Variants in ELOC observed in about 807,000 individuals in gnomAD.
ELOC encodes the protein elongin-C.
For synonymous variants in ELOC, 40 were observed against 51.3 expected, an observed-to-expected ratio of 0.78 and a Z score of 0.94; for missense variants, 38 against 139.0, an observed-to-expected ratio of 0.27 and a Z score of 3.65.
intron 3 of ELOC, among the ~76,000 whole-genome samples, chr8:73,947,133 T>G (rs1813428655): frequency 6.6e-6 from 1 of 152,084 alleles, no homozygotes; most frequent in Admixed American, 6.6e-5. Flanking sequence ...GGATTACAGG[T>G]GTGCAGCACC....
intron 1 of ELOC, among the ~76,000 whole-genome samples, chr8:73,971,528 C>T (rs1159106111): frequency 6.6e-6 from 1 of 152,092 alleles, no homozygotes; most frequent in African/African-American, 2.4e-5. Context: ...TTAAGAGAAA[C>T]TCAATGGGCA....
At chr8:73,966,183 C>T (rs897498404) in intron 1 of ELOC, among the ~76,000 whole-genome samples, 1 of 151,134 alleles carries the variant, frequency 6.6e-6, no homozygotes, top group African/African-American at 2.5e-5. Context: ...ACATAACAAA[C>T]ATTCCAACCT....
intron 1 of ELOC, among the ~76,000 whole-genome samples, chr8:73,967,593 G>T (rs1051352823): frequency 6.6e-6 from 1 of 150,862 alleles, no homozygotes; most frequent in South Asian, 2.1e-4. Flanking sequence ...TCAGCCTCCC[G>T]AGTAGCTGGG....
chr8:73,955,773 A>G (rs1814136196), intron 3 of ELOC, 138 bp downstream of exon 3: 1 of 1,068,874 alleles, frequency 9.4e-7, no homozygotes, highest in Non-Finnish European at 1.4e-6. Flanking sequence ...TCTCTCAAAC[A>G]AAAGAACAAA....
At chr8:73,954,266 T>C (rs1415200091) in intron 3 of ELOC, among the ~76,000 whole-genome samples, 2 of 152,216 alleles carry the variant, frequency 1.3e-5, no homozygotes. Flanking sequence ...AGATGATGGC[T>C]GCAAAATACT....
chr8:73,964,093 CAAAAA>C (rs61094442), intron 1 of ELOC, among the ~76,000 whole-genome samples: 1 of 80,348 alleles, frequency 1.2e-5, no homozygotes, highest in Non-Finnish European at 2.2e-5. Context: ...AATTCCGTCT[CAAAAA>C]AAAAAAAAAA....
intron 3 of ELOC, among the ~76,000 whole-genome samples, chr8:73,954,899 T>C (rs1814047562): frequency 6.6e-6 from 1 of 150,554 alleles, no homozygotes; most frequent in South Asian, 2.1e-4. Flanking sequence ...CCAGGCGTGG[T>C]GGTAGGTGCC....
At chr8:73,952,738 G>A (rs796995777) in intron 3 of ELOC, among the ~76,000 whole-genome samples, 13 of 149,262 alleles carry the variant, frequency 8.7e-5, no homozygotes, top group African/African-American at 3.0e-4. Context: ...CCAAGGTTGC[G>A]CCACTGCACT....
chr8:73,949,333 A>T (rs1414283796), intron 3 of ELOC, among the ~76,000 whole-genome samples: 1 of 152,222 alleles, frequency 6.6e-6, no homozygotes, highest in Non-Finnish European at 1.5e-5. Context: ...CATGCCTGAA[A>T]ATATTGCCTA....
intron 3 of ELOC, chr8:73,955,328 G>C (rs1402445384): frequency 6.6e-6 from 1 of 152,578 alleles, no homozygotes; most frequent in African/African-American, 2.4e-5. Context: ...AGTTAAACCT[G>C]GGCGTGGTGG....
rs548261331 is a variant in ELOC, at chr8:73,961,070, A to G, written c.-50-1252T>C. Among the ~76,000 whole-genome samples the G allele has an allele frequency of 5.9e-5, 9 of 152,352 alleles. No homozygotes were observed. The South Asian group carries it at 1.9e-3, about 32-fold the overall frequency. ...AGGCTAAGTTTTGAAATTTAACAAT[A>G]AAGTGGTTAAAAATGTACAAGTTTT... On this transcript the variant is annotated intron_variant, in intron 1 of 3. Coordinates refer to ENST00000520242, the MANE Select transcript of ELOC (RefSeq NM_005648.4).
chr8:73,970,991 G>C (rs183623429), intron 1 of ELOC, among the ~76,000 whole-genome samples: 2 of 126,070 alleles, frequency 1.6e-5, no homozygotes, highest in Non-Finnish European at 3.2e-5. Flanking sequence ...CCGAGATCAA[G>C]TCACTGCACT....
chr8:73,952,452 A>G (rs1813840698), intron 3 of ELOC, among the ~76,000 whole-genome samples: 1 of 150,412 alleles, frequency 6.6e-6, no homozygotes, highest in Non-Finnish European at 1.5e-5. Context: ...AATAAATAAA[A>G]ATAAAAGTGT....
chr8:73,955,597 C>T (rs1464013178), intron 3 of ELOC: 9 of 269,054 alleles, frequency 3.3e-5, no homozygotes, highest in Admixed American at 1.6e-4. Context: ...CAGAGCAAGA[C>T]TCTGTCTCAA....
chr8:73,966,407 G>A (rs755121606), intron 1 of ELOC, among the ~76,000 whole-genome samples: 2 of 151,892 alleles, frequency 1.3e-5, no homozygotes, highest in Non-Finnish European at 2.9e-5. Flanking sequence ...AGAGGTGAGA[G>A]TTTGGGAAGT....
At chr8:73,947,525 ATT>A (rs1298277894) in intron 3 of ELOC, among the ~76,000 whole-genome samples, 1 of 152,096 alleles carries the variant, frequency 6.6e-6, no homozygotes, top group Non-Finnish European at 1.5e-5. Flanking sequence ...AATAACCTCA[ATT>A]AGCACCAAAT....
chr8:73,959,229 A>G (rs1025891100), intron 2 of ELOC, among the ~76,000 whole-genome samples: 3 of 152,112 alleles, frequency 2.0e-5, no homozygotes, highest in Non-Finnish European at 2.9e-5. Flanking sequence ...CTTAGGCTAC[A>G]GTAAATTTAC....
chr8:73,947,380 AAGAG>A (rs764251278), intron 3 of ELOC, among the ~76,000 whole-genome samples: 16 of 152,260 alleles, frequency 1.1e-4, no homozygotes, highest in Admixed American at 4.6e-4. Context: ...ACAAGACAAA[AAGAG>A]AGCCTCAGAA....
At chr8:73,970,981 C>T (rs1450554422) in intron 1 of ELOC, among the ~76,000 whole-genome samples, 1 of 137,126 alleles carries the variant, frequency 7.3e-6, no homozygotes. Flanking sequence ...TTGCAGTGAG[C>T]CGAGATCAAG....
Sources: gnomAD v4.1 joint callset for allele counts (sites outside exome capture counted in the v4.1 genomes callset) on GRCh38, gnomAD v4.1.1 for gene constraint, MANE v1.5 for transcripts, NCBI Gene and HGNC (gene_info 2026-07-23, HGNC 2026-07-21) for gene names.